Variants in SPATS1 observed in about 807,000 individuals in gnomAD.
The protein encoded by SPATS1 is spermatogenesis associated serine rich 1.
A neutral mutation model predicts 33.6 loss-of-function variants in SPATS1; 23 were observed. That is an observed-to-expected ratio of 0.68 (90% CI 0.49 to 0.97). The LOEUF (loss-of-function observed/expected upper bound fraction) is 0.97, where lower values mean the gene tolerates loss of function less well. Ranked by LOEUF, SPATS1 falls within the 50% of genes least tolerant of loss-of-function variation. The pLI, the probability that SPATS1 is intolerant of heterozygous loss-of-function variation, is 0.00. For synonymous variants in SPATS1, 131 were observed against 125.6 expected (o/e 1.04, Z -0.29); for missense variants, 327 against 361.0 (o/e 0.91, Z 0.76).
Position 44,356,404 on chromosome 6 carries a change from A to C in SPATS1, c.287+3531A>C, listed in dbSNP as rs149880906. ...TTATTGGTACACAACTAATCACCCTAACTTAGTTACTTAAAACAACAAACA... is the reference window on the plus strand; with the variant it reads ...TTATTGGTACACAACTAATCACCCTCACTTAGTTACTTAAAACAACAAACA... On this transcript the variant is annotated intron_variant, in intron 3 of 8. Transcript: ENST00000674044. Among the ~76,000 whole-genome samples, 1,283 of 152,254 alleles carry C rather than the reference A, an allele frequency of 8.4e-3. 8 individuals are homozygous for C. Among genetic ancestry groups the C allele is most frequent in the Non-Finnish European group, 0.01 (703 of 68,014 alleles).
At chr6:44,348,855 C>A (rs1788062991) in intron 2 of SPATS1, among the ~76,000 whole-genome samples, 1 of 152,120 alleles carries the variant, frequency 6.6e-6, no homozygotes, top group Admixed American at 6.5e-5. Context: ...AAAAATTGGT[C>A]CTGGCGCCAC....
chr6:44,359,825 G>A (rs568404392), intron 3 of SPATS1, among the ~76,000 whole-genome samples: 10 of 151,832 alleles, frequency 6.6e-5, no homozygotes, highest in East Asian at 5.8e-4. Flanking sequence ...CTGCCTCAGC[G>A]TTCCAAAGTG....
In SPATS1 at chr6:44,352,871, A is replaced by G. The variant is rs562261312; in HGVS notation, c.285A>G (p.Val95=). The change falls in exon 3 of 9, where the codon GTA becomes GTG. Residue 95 remains valine, a splice_region_variant and synonymous_variant. Coordinates refer to ENST00000674044, the MANE Select transcript of SPATS1 (RefSeq NM_001372081.1). ...PPGLPRVSAY[V]DTTADLDRKL... ...GCCTCCCCAGAGTGTCTGCTTACGT[A>G]GAGTAAGTAAGGGTCTGGTGCAGAG... 55 of 1,613,996 alleles carry G rather than the reference A, an allele frequency of 3.4e-5. No individual in the cohort carries two copies. The East Asian group carries it at 1.2e-3, about 35-fold the overall frequency.
chr6:44,348,016 T>G (rs1788005082), intron 2 of SPATS1, among the ~76,000 whole-genome samples: 1 of 151,322 alleles, frequency 6.6e-6, no homozygotes, highest in East Asian at 1.9e-4. Flanking sequence ...TTATTTTTGT[T>G]TTTTTTTTGG....
intron 5 of SPATS1, among the ~76,000 whole-genome samples, chr6:44,365,030 C>G (rs564841594): frequency 6.6e-6 from 1 of 152,250 alleles, no homozygotes; most frequent in African/African-American, 2.4e-5. Flanking sequence ...CTCAGATGAT[C>G]CACCCGCCTC....
Position 44,370,076 on chromosome 6 carries a change from A to T in SPATS1, c.721A>T (p.Thr241Ser), listed in dbSNP as rs746980881. Reference sequence around the variant, plus strand: ...AGTGCCTTATGAAAAGAAATTTGATACATTTATTCCACTTGAGCCTCTTCC... The same window carrying T: ...AGTGCCTTATGAAAAGAAATTTGATTCATTTATTCCACTTGAGCCTCTTCC... ...SIVPYEKKFDTFIPLEPLPQI... is the reference protein window; with the variant it reads ...SIVPYEKKFDSFIPLEPLPQI... The change falls in exon 7 of 9, where the codon ACA becomes TCA. Residue 241 changes from threonine to serine, a missense_variant. By Grantham distance (58) the Thr-to-Ser change is moderately conservative. Transcript: ENST00000674044. 1 of 1,612,476 alleles carries T rather than the reference A, an allele frequency of 6.2e-7. No individual in the cohort carries two copies. Among genetic ancestry groups the T allele is most frequent in the Admixed American group, 1.7e-5 (1 of 59,950 alleles).
chr6:44,356,624 G>A (rs912671167), intron 3 of SPATS1, among the ~76,000 whole-genome samples: 1 of 152,094 alleles, frequency 6.6e-6, no homozygotes, highest in Non-Finnish European at 1.5e-5. Flanking sequence ...TTCCTCACAG[G>A]CTGCTGGGGC....
At chr6:44,360,354 A>G in intron 3 of SPATS1, 92 bp from the exon 4 acceptor site, 1 of 1,537,232 alleles carries the variant, frequency 6.5e-7, no homozygotes. Context: ...CCCAGTTCTC[A>G]TAAGCGAGGG....
chr6:44,344,699 C>CA (rs1209075698), intron 2 of SPATS1, among the ~76,000 whole-genome samples: 2 of 50,916 alleles, frequency 3.9e-5, no homozygotes, highest in African/African-American at 2.3e-4. Context: ...TTATTCCTGC[C>CA]TAAAAAAATG....
At chr6:44,370,014 G>A (rs755525537) in intron 6 of SPATS1, 37 bp from the exon 7 acceptor site, 2 of 1,497,334 alleles carry the variant, frequency 1.3e-6, no homozygotes. Context: ...GCTGTAGATG[G>A]CATACCAGTT....
chr6:44,345,278 G>T (rs1046404563), intron 2 of SPATS1, among the ~76,000 whole-genome samples: 2 of 152,066 alleles, frequency 1.3e-5, no homozygotes, highest in Non-Finnish European at 2.9e-5. Flanking sequence ...TAGAGAGTGT[G>T]CTGTTTGCCA....
intron 4 of SPATS1, among the ~76,000 whole-genome samples, chr6:44,361,039 A>G (rs968827239): frequency 6.6e-6 from 1 of 152,182 alleles, no homozygotes; most frequent in Non-Finnish European, 1.5e-5. Context: ...ATATAGACAT[A>G]CCCATTTTAC....
intron 2 of SPATS1, among the ~76,000 whole-genome samples, chr6:44,347,842 C>T (rs1385182151): frequency 6.6e-6 from 1 of 152,104 alleles, no homozygotes; most frequent in Non-Finnish European, 1.5e-5. Context: ...TTTGTCAGTA[C>T]TGTCTTGATT....
chr6:44,358,083 A>G (rs538523107), intron 3 of SPATS1, among the ~76,000 whole-genome samples: 20 of 152,274 alleles, frequency 1.3e-4, no homozygotes, highest in African/African-American at 4.3e-4. Flanking sequence ...TACTCTTGTC[A>G]TGGAAACTAA....
At chr6:44,370,979 GT>G (rs532344535) in intron 7 of SPATS1, among the ~76,000 whole-genome samples, 9,074 of 141,644 alleles carry the variant, frequency 0.064, 482 homozygotes, top group East Asian at 0.25. Flanking sequence ...AAAAAGAAAG[GT>G]TTTTTTTTTT....
At chr6:44,368,257 T>A (rs1416872997) in intron 5 of SPATS1, 122 bp from the exon 6 acceptor site, 1 of 1,008,718 alleles carries the variant, frequency 9.9e-7, no homozygotes, top group Non-Finnish European at 1.4e-6. Flanking sequence ...TTTGAGAAAC[T>A]TCTATGTAAT....
chr6:44,360,655 G>A, intron 4 of SPATS1, 85 bp downstream of exon 4: 1 of 1,462,776 alleles, frequency 6.8e-7, no homozygotes. Context: ...CTCATCGAAG[G>A]CCCACAACTG....
At chr6:44,368,611 A>G in intron 6 of SPATS1, 112 bp downstream of exon 6, 3 of 1,044,870 alleles carry the variant, frequency 2.9e-6, no homozygotes, top group Non-Finnish European at 2.6e-6. Context: ...ATGTGATTGG[A>G]TGAAAATTCC....
At chr6:44,371,120 C>G (rs781272914) in intron 7 of SPATS1, among the ~76,000 whole-genome samples, 4 of 151,108 alleles carry the variant, frequency 2.6e-5, no homozygotes, top group Admixed American at 1.3e-4. Context: ...ATAGTGAGAC[C>G]CTATCTCTAC....
Sources: gnomAD v4.1 joint callset for allele counts (sites outside exome capture counted in the v4.1 genomes callset) on GRCh38, gnomAD v4.1.1 for gene constraint, MANE v1.5 for transcripts, NCBI Gene and HGNC (gene_info 2026-07-23, HGNC 2026-07-21) for gene names.